Variants in DCC observed in about 807,000 individuals in gnomAD.
The protein encoded by DCC is netrin receptor DCC.
A neutral mutation model predicts 172.5 loss-of-function variants in DCC; 58 were observed. The ratio of observed to expected loss-of-function variants is 0.34; its 90% CI spans 0.27 to 0.42. The LOEUF (loss-of-function observed/expected upper bound fraction) is 0.42. Among genes scored for constraint, DCC ranks in the 10% least tolerant of loss-of-function variants. The probability of loss-of-function intolerance (pLI) is 1.00; values close to 1 mark genes in which losing one functional copy is unlikely to be tolerated. For missense variants in DCC, 1,740 were observed against 1,791.0 expected (o/e 0.97, Z 0.51); for synonymous variants, 709 against 644.5 (o/e 1.10, Z -1.52).
At chr18:53,281,393 C>T (rs747108853) in intron 12 of DCC, among the ~76,000 whole-genome samples, 4 of 152,132 alleles carry the variant, frequency 2.6e-5, no homozygotes, top group Non-Finnish European at 4.4e-5. Flanking sequence ...AACACACACA[C>T]GCACACAATA....
At chr18:52,851,586 A>G (rs1466300828) in intron 2 of DCC, among the ~76,000 whole-genome samples, 2 of 152,066 alleles carry the variant, frequency 1.3e-5, no homozygotes, top group Admixed American at 1.3e-4. Context: ...TTTCCTGAAA[A>G]CCAAAATTCC....
intron 1 of DCC, among the ~76,000 whole-genome samples, chr18:52,629,587 G>A (rs555776402): frequency 9.7e-4 from 147 of 152,254 alleles, no homozygotes; most frequent in African/African-American, 3.3e-3. Flanking sequence ...GGCTGAAGCG[G>A]GTAGATCACC....
chr18:52,866,697 G>T (rs1407613434), intron 2 of DCC, among the ~76,000 whole-genome samples: 3 of 152,256 alleles, frequency 2.0e-5, no homozygotes, highest in South Asian at 4.2e-4. Flanking sequence ...TATTATTTGT[G>T]TATAGGAATG....
chr18:53,272,728 GAA>G (rs1303708506), intron 12 of DCC, among the ~76,000 whole-genome samples: 1 of 152,130 alleles, frequency 6.6e-6, no homozygotes, highest in Non-Finnish European at 1.5e-5. Flanking sequence ...TCATTGTAAG[GAA>G]AAGAGTGTTT....
chr18:52,939,203 G>C (rs2040425288), intron 5 of DCC, among the ~76,000 whole-genome samples: 1 of 152,098 alleles, frequency 6.6e-6, no homozygotes, highest in African/African-American at 2.4e-5. Flanking sequence ...CCAGTCTCAG[G>C]ATATTTGGGA....
chr18:53,304,957 G>A (rs560654135), intron 12 of DCC, among the ~76,000 whole-genome samples: 4 of 152,072 alleles, frequency 2.6e-5, no homozygotes, highest in African/African-American at 9.7e-5. Context: ...TGAATCATGG[G>A]GGCAGGTCTT....
rs78537713 is a variant in DCC, at chr18:53,249,109, G to A, written c.1911+33512G>A. 5.5e-3 allele frequency among the ~76,000 whole-genome samples: 838 copies of A among 152,010 alleles called. 5 individuals are homozygous for A. The highest frequency in any genetic ancestry group is 0.023 in the Admixed American group (346 of 15,240). ...TCCTGCTGAGTTTAACTTGCTTTAGGACAGCTGGATCAGGCTAGGCATGAA... is the reference window on the plus strand; with the variant it reads ...TCCTGCTGAGTTTAACTTGCTTTAGAACAGCTGGATCAGGCTAGGCATGAA... On this transcript the variant is annotated intron_variant, in intron 12 of 28. Coordinates refer to ENST00000442544, the MANE Select transcript of DCC (RefSeq NM_005215.4).
intron 2 of DCC, among the ~76,000 whole-genome samples, chr18:52,811,826 AT>A (rs2038206568): frequency 6.6e-6 from 1 of 152,184 alleles, no homozygotes; most frequent in Admixed American, 6.5e-5. Flanking sequence ...CACACTTTTA[AT>A]TATCTTTATC....
At chr18:52,665,875 A>C (rs2035452094) in intron 1 of DCC, among the ~76,000 whole-genome samples, 1 of 152,224 alleles carries the variant, frequency 6.6e-6, no homozygotes, top group Non-Finnish European at 1.5e-5. Flanking sequence ...GAGTTCAATC[A>C]TTTGCCTTGT....
chr18:52,510,910 C>T (rs1345132240), intron 1 of DCC, among the ~76,000 whole-genome samples: 1 of 152,050 alleles, frequency 6.6e-6, no homozygotes, highest in Non-Finnish European at 1.5e-5. Flanking sequence ...TCCTGATTTA[C>T]AAACTTACAG....
At chr18:52,450,887 A>G (rs1988283025) in intron 1 of DCC, among the ~76,000 whole-genome samples, 1 of 152,098 alleles carries the variant, frequency 6.6e-6, no homozygotes, top group Admixed American at 6.5e-5. Flanking sequence ...AAAAAATCCA[A>G]AAAAGTATAT....
intron 1 of DCC, among the ~76,000 whole-genome samples, chr18:52,649,438 T>A (rs530190110): frequency 4.7e-4 from 72 of 152,214 alleles, no homozygotes; most frequent in Middle Eastern, 3.4e-3. Context: ...ATCTTTTTTT[T>A]TATATGTGTA....
intron 7 of DCC, among the ~76,000 whole-genome samples, chr18:53,068,151 C>T (rs2144096896): frequency 6.6e-6 from 1 of 152,234 alleles, no homozygotes; most frequent in South Asian, 2.1e-4. Context: ...GTCAGTGTAA[C>T]TTCATTGGTG....
At chr18:52,529,336 G>A (rs2032078226) in intron 1 of DCC, among the ~76,000 whole-genome samples, 1 of 152,148 alleles carries the variant, frequency 6.6e-6, no homozygotes, top group Non-Finnish European at 1.5e-5. Context: ...TGTCACCCAG[G>A]CTGGAGTGCA....
At chr18:53,494,696 C>T (rs1465185504) in intron 26 of DCC, among the ~76,000 whole-genome samples, 2 of 152,158 alleles carry the variant, frequency 1.3e-5, no homozygotes, top group Non-Finnish European at 2.9e-5. Flanking sequence ...CATTTTGAGC[C>T]TATGTGTGCC....
At chr18:52,700,246 TCA>T (rs1229887638) in intron 1 of DCC, among the ~76,000 whole-genome samples, 1 of 122,654 alleles carries the variant, frequency 8.2e-6, no homozygotes, top group Non-Finnish European at 1.7e-5. Flanking sequence ...ACATGCACAC[TCA>T]CACACGCACA....
chr18:53,343,999 T>C (rs1369551524), intron 15 of DCC, among the ~76,000 whole-genome samples: 1 of 152,060 alleles, frequency 6.6e-6, no homozygotes, highest in African/African-American at 2.4e-5. Flanking sequence ...CATATTGGTC[T>C]TTTCTTGTTC....
At chr18:52,885,156 C>T (rs2039550902) in intron 2 of DCC, among the ~76,000 whole-genome samples, 1 of 152,074 alleles carries the variant, frequency 6.6e-6, no homozygotes, top group Non-Finnish European at 1.5e-5. Flanking sequence ...TAACCACTAC[C>T]TGGCTACCAC....
At chr18:53,181,002 G>T (rs2055188071) in intron 9 of DCC, among the ~76,000 whole-genome samples, 1 of 151,882 alleles carries the variant, frequency 6.6e-6, no homozygotes, top group African/African-American at 2.4e-5. Flanking sequence ...TTATATTTTT[G>T]ATTAAAAGCA....
Sources: allele counts gnomAD v4.1 joint callset (sites outside exome capture counted in the v4.1 genomes callset), GRCh38; gene constraint gnomAD v4.1.1; transcripts MANE v1.5; gene names NCBI Gene and HGNC (gene_info 2026-07-23, HGNC 2026-07-21).